Variants in SLC10A7 observed in about 807,000 individuals in gnomAD.
The protein encoded by SLC10A7 is sodium/bile acid cotransporter 7.
In SLC10A7, 29 loss-of-function variants were observed where a neutral mutation model predicts 43.2. That is an observed-to-expected ratio of 0.67 (90% CI 0.50 to 0.92). The LOEUF is 0.92. Ranked by LOEUF, SLC10A7 falls within the 40% of genes least tolerant of loss-of-function variation. SLC10A7 has a pLI of 0.00. For synonymous variants in SLC10A7, 152 were observed against 144.8 expected (o/e 1.05, Z -0.35); for missense variants, 295 against 403.2 (o/e 0.73, Z 2.30).
chr4:146,391,838 G>C lies in SLC10A7; in HGVS notation c.435+50945C>G, dbSNP rs78264676. On this transcript the variant is annotated intron_variant, in intron 5 of 11. Coordinates refer to ENST00000335472, the MANE Select transcript of SLC10A7 (RefSeq NM_001029998.6). ...ATCTTCCATACATTCTGCTGTGAGA[G>C]AGAAAAATTATATTCATACACATTA... Among the ~76,000 whole-genome samples, 173 of 152,296 alleles carry C rather than the reference G, an allele frequency of 1.1e-3. 1 individual carries two copies. The East Asian group carries it at 0.019, about 17-fold the overall frequency.
At chr4:146,347,721 A>G (rs963666714) in intron 5 of SLC10A7, among the ~76,000 whole-genome samples, 1 of 152,162 alleles carries the variant, frequency 6.6e-6, no homozygotes, top group African/African-American at 2.4e-5. Context: ...TTGTTTGTGT[A>G]CTGGTGCTGT....
At chr4:146,463,372 T>A (rs950182386) in intron 4 of SLC10A7, among the ~76,000 whole-genome samples, 2 of 152,130 alleles carry the variant, frequency 1.3e-5, no homozygotes, top group Non-Finnish European at 2.9e-5. Flanking sequence ...CGCTTTATAA[T>A]ATTGCTGAAA....
At chr4:146,281,369 A>G (rs1296487701) in intron 10 of SLC10A7, among the ~76,000 whole-genome samples, 2 of 149,702 alleles carry the variant, frequency 1.3e-5, no homozygotes, top group Non-Finnish European at 3.0e-5. Context: ...CAAGTCCTTA[A>G]AAGTATCCCA....
intron 9 of SLC10A7, among the ~76,000 whole-genome samples, chr4:146,291,341 C>T (rs1296567376): frequency 6.6e-6 from 1 of 152,202 alleles, no homozygotes; most frequent in Non-Finnish European, 1.5e-5. Context: ...TCATAAATCA[C>T]AATCTCTAGC....
intron 6 of SLC10A7, among the ~76,000 whole-genome samples, chr4:146,324,235 AT>A (rs1293776005): frequency 2.0e-5 from 3 of 152,198 alleles, no homozygotes; most frequent in Admixed American, 6.5e-5. Context: ...TATCGTGAAA[AT>A]GGCCATATTG....
chr4:146,508,007 T>C (rs1035885894), intron 3 of SLC10A7, among the ~76,000 whole-genome samples: 2 of 152,238 alleles, frequency 1.3e-5, no homozygotes, highest in African/African-American at 2.4e-5. Context: ...AAACATGTTG[T>C]TATTCGCTTG....
Position 146,330,821 on chromosome 4 carries a change from C to T in SLC10A7, c.436-4825G>A, listed in dbSNP as rs924136551. On this transcript the variant is annotated intron_variant, in intron 5 of 11. Transcript: ENST00000335472. ...AGAGAATCTCCCAGAGAGAAGACACCCTTGCTCTTCAGGCAAACAGTGGTC... is the reference window on the plus strand; with the variant it reads ...AGAGAATCTCCCAGAGAGAAGACACTCTTGCTCTTCAGGCAAACAGTGGTC... Among the ~76,000 whole-genome samples, 5 of 152,122 alleles carry T rather than the reference C, an allele frequency of 3.3e-5. No homozygotes were observed. The Middle Eastern group carries it at 0.01, about 310-fold the overall frequency.
chr4:146,434,938 T>C (rs1303134259), intron 5 of SLC10A7, among the ~76,000 whole-genome samples: 1 of 152,152 alleles, frequency 6.6e-6, no homozygotes, highest in Non-Finnish European at 1.5e-5. Flanking sequence ...AGAATTAGGA[T>C]GTCTGTGGAA....
At chr4:146,444,420 A>G (rs1198211950) in intron 4 of SLC10A7, among the ~76,000 whole-genome samples, 1 of 152,218 alleles carries the variant, frequency 6.6e-6, no homozygotes, top group Non-Finnish European at 1.5e-5. Flanking sequence ...GAGGAAACAT[A>G]GAATCATTCG....
chr4:146,373,579 G>A (rs1449206558), intron 5 of SLC10A7, among the ~76,000 whole-genome samples: 5 of 151,956 alleles, frequency 3.3e-5, no homozygotes, highest in African/African-American at 1.2e-4. Context: ...CATAGTAAAA[G>A]CTTAGATTTA....
chr4:146,445,763 G>A (rs1056630270), intron 4 of SLC10A7, among the ~76,000 whole-genome samples: 9 of 152,102 alleles, frequency 5.9e-5, no homozygotes, highest in Non-Finnish European at 8.8e-5. Flanking sequence ...AAACGGGGTG[G>A]AATGGGACGA....
chr4:146,289,743 T>G, intron 9 of SLC10A7, among the ~76,000 whole-genome samples: 1 of 128,876 alleles, frequency 7.8e-6, no homozygotes, highest in African/African-American at 3.0e-5. Flanking sequence ...TGAGATGGAG[T>G]CTTGCTCTGT....
At chr4:146,297,144 G>T (rs924466644) in intron 7 of SLC10A7, among the ~76,000 whole-genome samples, 9 of 152,176 alleles carry the variant, frequency 5.9e-5, no homozygotes, top group African/African-American at 2.2e-4. Flanking sequence ...TAATTAATTT[G>T]CCCTCAGACC....
chr4:146,279,023 T>C (rs1262582862), intron 10 of SLC10A7, among the ~76,000 whole-genome samples: 1 of 152,202 alleles, frequency 6.6e-6, no homozygotes, highest in Admixed American at 6.6e-5. Flanking sequence ...CACAAATGTC[T>C]GTAAATGGCA....
intron 1 of SLC10A7, among the ~76,000 whole-genome samples, chr4:146,518,716 C>T (rs1738252892): frequency 6.6e-6 from 1 of 151,934 alleles, no homozygotes; most frequent in Non-Finnish European, 1.5e-5. Context: ...TGGACACAGA[C>T]ACATGCACAA....
At chr4:146,340,521 G>GTA (rs1289550232) in intron 5 of SLC10A7, among the ~76,000 whole-genome samples, 40 of 146,880 alleles carry the variant, frequency 2.7e-4, no homozygotes, top group South Asian at 6.4e-4. Flanking sequence ...GTGTGTGTGT[G>GTA]TATATATATA....
At chr4:146,332,953 T>C (rs1022959752) in intron 5 of SLC10A7, among the ~76,000 whole-genome samples, 1 of 152,152 alleles carries the variant, frequency 6.6e-6, no homozygotes, top group Admixed American at 6.5e-5. Context: ...AGTGAGGCCT[T>C]ACAGGAATGG....
At chr4:146,421,656 C>CCATT (rs1728973358) in intron 5 of SLC10A7, among the ~76,000 whole-genome samples, 1 of 152,104 alleles carries the variant, frequency 6.6e-6, no homozygotes, top group Non-Finnish European at 1.5e-5. Flanking sequence ...CTGCAACTGA[C>CCATT]CATTCATTCA....
chr4:146,275,138 C>T (rs986749362), intron 10 of SLC10A7, among the ~76,000 whole-genome samples: 3 of 152,142 alleles, frequency 2.0e-5, no homozygotes, highest in Non-Finnish European at 2.9e-5. Flanking sequence ...AGGGTTTTAT[C>T]CTTAAAATTC....
Sources: allele counts gnomAD v4.1 joint callset (sites outside exome capture counted in the v4.1 genomes callset), GRCh38; gene constraint gnomAD v4.1.1; transcripts MANE v1.5; gene names NCBI Gene and HGNC (gene_info 2026-07-23, HGNC 2026-07-21).